Variants in CATSPERE observed in about 807,000 individuals in gnomAD.
CATSPERE encodes cation channel sperm-associated auxiliary subunit epsilon.
CATSPERE carries 93 observed loss-of-function variants against 114.1 expected under a neutral mutation model. The ratio of observed to expected loss-of-function variants is 0.81; its 90% confidence interval spans 0.69 to 0.97. The LOEUF (loss-of-function observed/expected upper bound fraction) is 0.97. Among genes scored for constraint, CATSPERE ranks in the 50% least tolerant of loss-of-function variants. CATSPERE has a pLI of 0.00. For synonymous variants in CATSPERE, 341 were observed against 384.1 expected, an observed-to-expected ratio of 0.89 and a Z score of 1.31; for missense variants, 1,058 against 1,131.6, an observed-to-expected ratio of 0.93 and a Z score of 0.93.
chr1:244,563,818 A>G (rs895378773), intron 10 of CATSPERE, among the ~76,000 whole-genome samples: 1 of 152,128 alleles, frequency 6.6e-6, no homozygotes, highest in Non-Finnish European at 1.5e-5. Flanking sequence ...TGTTTTAGTC[A>G]TGAATCTTTG....
intron 19 of CATSPERE, among the ~76,000 whole-genome samples, chr1:244,616,679 C>T (rs1367599500): frequency 6.6e-6 from 1 of 152,154 alleles, no homozygotes; most frequent in Non-Finnish European, 1.5e-5. Context: ...AAGGTAGTGC[C>T]CCTGTGATCC....
intron 2 of CATSPERE, 122 bp downstream of exon 2, chr1:244,464,078 C>A: frequency 2.7e-6 from 2 of 744,198 alleles, no homozygotes; most frequent in South Asian, 1.7e-5. Context: ...TCGTTTCTTT[C>A]ATCCGGTGTA....
chr1:244,630,278 G>A (rs547466007), intron 20 of CATSPERE, among the ~76,000 whole-genome samples: 37 of 152,294 alleles, frequency 2.4e-4, no homozygotes, highest in African/African-American at 8.9e-4. Flanking sequence ...GTTGAGGGAT[G>A]GTGGTGAAAG....
chr1:244,572,141 A>G (rs1208693147), intron 10 of CATSPERE, among the ~76,000 whole-genome samples, 189 bp from the exon 11 acceptor site: 1 of 152,228 alleles, frequency 6.6e-6, no homozygotes, highest in Non-Finnish European at 1.5e-5. Context: ...AAACTAATAC[A>G]ATGAAGTGGC....
intron 8 of CATSPERE, among the ~76,000 whole-genome samples, chr1:244,519,665 G>T (rs2148365508): frequency 6.6e-6 from 1 of 152,302 alleles, no homozygotes; most frequent in Middle Eastern, 3.4e-3. Flanking sequence ...CCTGCCTTGA[G>T]CCCTGAGCTG....
In CATSPERE at chr1:244,603,880, T is replaced by C. The variant is rs564796957; in HGVS notation, c.2304-1815T>C. On this transcript the variant is annotated intron_variant, in intron 17 of 21. Transcript: ENST00000366534. ...AAAATTTACTGGGTGTGGTGGCACA[T>C]ACCTGTAGTCCTAAAGTTAGGAGGA... Among the ~76,000 whole-genome samples, 313 of 152,260 alleles carry C rather than the reference T, an allele frequency of 2.1e-3. 2 individuals carry two copies. The highest frequency in any genetic ancestry group is 7.1e-3 in the African/African-American group (296 of 41,548).
chr1:244,481,813 C>T (rs1670311871), intron 5 of CATSPERE, among the ~76,000 whole-genome samples: 2 of 152,116 alleles, frequency 1.3e-5, no homozygotes, highest in Admixed American at 6.6e-5. Flanking sequence ...AAGATAGCAC[C>T]TTGATCTTTG....
intron 8 of CATSPERE, among the ~76,000 whole-genome samples, chr1:244,519,602 G>C (rs1677194139): frequency 6.6e-6 from 1 of 152,128 alleles, no homozygotes; most frequent in Non-Finnish European, 1.5e-5. Flanking sequence ...ATGAGTGTGG[G>C]TGTGAATGTC....
Position 244,621,049 on chromosome 1 carries a change from T to TATATATA in CATSPERE, c.2648+3364_2648+3365insTATATAA, listed in dbSNP as rs1345299169. On this transcript the variant is annotated intron_variant, in intron 20 of 21. Transcript: ENST00000366534. ...TATAAATATATATAAAATATATATA[T>TATATATA]AAATATATATAAATATATATAAAAT... Among the ~76,000 whole-genome samples the TATATATA allele has an allele frequency of 2.0e-4, 13 of 65,830 alleles. No homozygotes were observed. The East Asian group carries it at 2.4e-3, about 12-fold the overall frequency. 43.2% of individuals were successfully genotyped at this position (65,830 alleles called of 152,430 possible).
At chr1:244,466,730 T>C (rs1225396815) in intron 2 of CATSPERE, among the ~76,000 whole-genome samples, 1 of 152,032 alleles carries the variant, frequency 6.6e-6, no homozygotes, top group African/African-American at 2.4e-5. Flanking sequence ...AATTTTTAGG[T>C]TTATCAATAG....
chr1:244,572,436 A>C lies in CATSPERE; in HGVS notation c.1614A>C (p.Thr538=). Residue 538 remains threonine, a synonymous_variant, in exon 11 of 22, where the codon ACA becomes ACC. Transcript: ENST00000366534. ...TGCATTTATGGACAAATTACACAACAAGAGCATTCATTTTCTTAAGTACAT... is the reference window on the plus strand; with the variant it reads ...TGCATTTATGGACAAATTACACAACCAGAGCATTCATTTTCTTAAGTACAT... ...VKLHLWTNYT[T]RAFIFLSTSG... The C allele has an allele frequency of 6.2e-7, 1 of 1,611,362 alleles. No individual in the cohort carries two copies. Among genetic ancestry groups the C allele is most frequent in the Non-Finnish European group, 8.5e-7 (1 of 1,177,434 alleles).
At chr1:244,533,128 G>A (rs3005956) in intron 8 of CATSPERE, among the ~76,000 whole-genome samples, 19,538 of 151,818 alleles carry the variant, frequency 0.13, 2,187 homozygotes, top group African/African-American at 0.3. Flanking sequence ...GTCTCTTTTT[G>A]TGGTTTTTGT....
intron 9 of CATSPERE, among the ~76,000 whole-genome samples, chr1:244,559,386 A>C (rs1314067136): frequency 6.6e-6 from 1 of 152,240 alleles, no homozygotes; most frequent in Non-Finnish European, 1.5e-5. Flanking sequence ...TTCAGTATAC[A>C]CTAAATATTT....
At chr1:244,515,503 G>C (rs1477049819) in intron 7 of CATSPERE, among the ~76,000 whole-genome samples, 3 of 152,180 alleles carry the variant, frequency 2.0e-5, no homozygotes, top group Admixed American at 6.6e-5. Flanking sequence ...TATAAAATTT[G>C]GGATCTGGCT....
chr1:244,548,075 T>C (rs1660040999), intron 8 of CATSPERE, among the ~76,000 whole-genome samples: 1 of 152,236 alleles, frequency 6.6e-6, no homozygotes, highest in Non-Finnish European at 1.5e-5. Flanking sequence ...GGGGAAGAAG[T>C]ATGCAGATAA....
In CATSPERE at chr1:244,482,236, G is replaced by A. The variant is rs574967295; in HGVS notation, c.326+2452G>A. ...AATCTCAATGTTTTGGGAGGCCAAG[G>A]TGAGAGGATTGCTTGAGCCCAGGGG... On this transcript the variant is annotated intron_variant, in intron 5 of 21. Transcript: ENST00000366534. Among the ~76,000 whole-genome samples, 17 of 152,282 alleles carry A rather than the reference G, an allele frequency of 1.1e-4. No individual in the cohort carries two copies. The East Asian group carries it at 3.3e-3, about 29-fold the overall frequency.
intron 6 of CATSPERE, among the ~76,000 whole-genome samples, chr1:244,491,121 C>G (rs903293795): frequency 1.3e-5 from 2 of 152,076 alleles, no homozygotes; most frequent in African/African-American, 4.8e-5. Flanking sequence ...GAACTCTCCA[C>G]CACAAATCAA....
intron 2 of CATSPERE, among the ~76,000 whole-genome samples, chr1:244,469,501 A>C (rs1194499388): frequency 1.3e-5 from 2 of 152,256 alleles, no homozygotes; most frequent in African/African-American, 2.4e-5. Flanking sequence ...TTAAATGATA[A>C]GACTCTTTTT....
chr1:244,628,139 T>A (rs759719809), intron 20 of CATSPERE, among the ~76,000 whole-genome samples: 18 of 152,262 alleles, frequency 1.2e-4, no homozygotes, highest in Non-Finnish European at 2.1e-4. Context: ...TTATTACTAG[T>A]TATTGTTCAG....
Sources: gnomAD v4.1 joint callset for allele counts (sites outside exome capture counted in the v4.1 genomes callset) on GRCh38, gnomAD v4.1.1 for gene constraint, MANE v1.5 for transcripts, NCBI Gene and HGNC (gene_info 2026-07-23, HGNC 2026-07-21) for gene names.